The following MVB12B variants were observed in gnomAD, a reference collection of about 807,000 sequenced individuals.
The protein encoded by MVB12B is ESCRT-I complex subunit MVB12B.
MVB12B carries 16 observed loss-of-function variants against 41.6 expected under a neutral mutation model. The ratio of observed to expected loss-of-function variants is 0.38; its 90% CI spans 0.26 to 0.58. MVB12B has a LOEUF of 0.58. Ranked by LOEUF, MVB12B falls within the 20% of genes least tolerant of loss-of-function variation. The pLI is 0.62. For synonymous variants in MVB12B, 133 were observed against 139.7 expected, an observed-to-expected ratio of 0.95 and a Z score of 0.34; for missense variants, 274 against 380.2, an observed-to-expected ratio of 0.72 and a Z score of 2.32.
chr9:126,439,091 T>G (rs1299211479), intron 7 of MVB12B, among the ~76,000 whole-genome samples: 1 of 152,144 alleles, frequency 6.6e-6, no homozygotes. Context: ...GGACTTTTTT[T>G]TTTATTTTAA....
chr9:126,471,551 TCTG>T (rs1833315749), intron 7 of MVB12B, among the ~76,000 whole-genome samples: 1 of 152,214 alleles, frequency 6.6e-6, no homozygotes, highest in Non-Finnish European at 1.5e-5. Flanking sequence ...AGCAGACAGC[TCTG>T]GAGGCATCTA....
At position 126,505,266 on chromosome 9, in the gene MVB12B, A is replaced by G. The variant is rs886224113; in HGVS notation, c.*2003A>G. 3.9e-5 allele frequency: 6 copies of G among 152,198 alleles called. No homozygotes were observed. The highest frequency in any genetic ancestry group is 7.3e-5 in the Non-Finnish European group (5 of 68,032). 9.4% of individuals were successfully genotyped at this position (152,198 alleles called of 1,614,324 possible). On this transcript the variant is annotated 3_prime_UTR_variant, in exon 10 of 10. Coordinates refer to ENST00000361171, the MANE Select transcript of MVB12B (RefSeq NM_033446.3). ...GGAGGCTCAGAGGCAGTGGTGTGGGAGCCCTGTCTGCAAGGACGCAGAATA... is the reference window on the plus strand; with the variant it reads ...GGAGGCTCAGAGGCAGTGGTGTGGGGGCCCTGTCTGCAAGGACGCAGAATA...
Position 126,381,191 on chromosome 9 carries a change from C to A in MVB12B, c.312+20C>A, listed in dbSNP as rs1830626042. 1.3e-6 allele frequency: 2 copies of A among 1,542,544 alleles called. No homozygotes were observed. Among genetic ancestry groups the A allele is most frequent in the Admixed American group, 1.7e-5 (1 of 59,888 alleles). On this transcript the variant is annotated intron_variant, in intron 3 of 9. Transcript: ENST00000361171. ...GAAAATGTAAGTCTAGTCGTAGTTT[C>A]CATTTGCTGAGTGAGCACAAGTAAT...
At chr9:126,502,431 C>G (rs141588715) in intron 9 of MVB12B, among the ~76,000 whole-genome samples, 21 of 152,160 alleles carry the variant, frequency 1.4e-4, no homozygotes, top group African/African-American at 4.8e-4. Context: ...AGACTTGGAA[C>G]GCGATTTAGT....
Position 126,395,850 on chromosome 9 carries a change from T to C in MVB12B, c.662+153T>C. 1 of 1,440,922 alleles carries C rather than the reference T, an allele frequency of 6.9e-7. No homozygotes were observed. Among genetic ancestry groups the C allele is most frequent in the Non-Finnish European group, 9.1e-7 (1 of 1,098,790 alleles). The allele number at this position is 1,440,922 out of a possible 1,614,324, so 89.3% of individuals were successfully genotyped here. ...TATCTTTAGAGGAGATTTTTAAAAA[T>C]CCACTTGGAAATCTTTGCATTACAT... On this transcript the variant is annotated intron_variant, in intron 6 of 9. Coordinates refer to ENST00000361171, the MANE Select transcript of MVB12B (RefSeq NM_033446.3). This position sits in a 1 kb window ranked among gnomAD's most constrained non-coding sequence, Gnocchi z 4.9.
chr9:126,408,411 C>G (rs1162606668), intron 6 of MVB12B: 3 of 152,126 alleles, frequency 2.0e-5, no homozygotes, highest in Non-Finnish European at 2.9e-5. Context: ...ATTCGCTCCC[C>G]CCACGCAGGC....
Position 126,356,663 on chromosome 9 carries a change from C to T in MVB12B, c.204+16033C>T, listed in dbSNP as rs79735350. Among the ~76,000 whole-genome samples the T allele has an allele frequency of 3.9e-5, 6 of 152,100 alleles. No individual in the cohort carries two copies. The East Asian group carries it at 7.8e-4, about 20-fold the overall frequency. On this transcript the variant is annotated intron_variant, in intron 2 of 9. Transcript: ENST00000361171. ...TATCTCATGTTGAAATGTAATCCCCCGTGGTAGAAGTAGGGCCTGGTGGGA... is the reference window on the plus strand; with the variant it reads ...TATCTCATGTTGAAATGTAATCCCCTGTGGTAGAAGTAGGGCCTGGTGGGA...
intron 6 of MVB12B, among the ~76,000 whole-genome samples, chr9:126,402,969 C>T (rs978386651): frequency 3.3e-5 from 5 of 152,240 alleles, no homozygotes; most frequent in Non-Finnish European, 5.9e-5. Context: ...GACCAGCAGC[C>T]AGCCCTGTCT....
At chr9:126,409,119 G>A (rs374326059) in intron 6 of MVB12B, among the ~76,000 whole-genome samples, 4 of 152,120 alleles carry the variant, frequency 2.6e-5, no homozygotes, top group African/African-American at 9.7e-5. Context: ...CCATTGTGGG[G>A]GGGGGCTCAG....
At chr9:126,502,380 G>A (rs546626653) in intron 9 of MVB12B, among the ~76,000 whole-genome samples, 1 of 152,188 alleles carries the variant, frequency 6.6e-6, no homozygotes, top group African/African-American at 2.4e-5. Flanking sequence ...GGTGCTCCTA[G>A]CCCCCTCAGA....
At chr9:126,453,756 G>A (rs1307792248) in intron 7 of MVB12B, among the ~76,000 whole-genome samples, 2 of 152,332 alleles carry the variant, frequency 1.3e-5, no homozygotes, top group East Asian at 3.9e-4. Flanking sequence ...GCATGGTCTT[G>A]CATGTGACAC....
chr9:126,490,398 G>C (rs887651), intron 9 of MVB12B, among the ~76,000 whole-genome samples: 1 of 152,052 alleles, frequency 6.6e-6, no homozygotes, highest in African/African-American at 2.4e-5. Flanking sequence ...TGTGAGAACA[G>C]GAGTGAACCA....
At chr9:126,329,433 C>T (rs184466084) in intron 1 of MVB12B, among the ~76,000 whole-genome samples, 5 of 152,188 alleles carry the variant, frequency 3.3e-5, no homozygotes, top group Admixed American at 2.6e-4. Context: ...CAGTTTGTTG[C>T]GGGGAGAGCA....
chr9:126,445,305 TTTTTG>T (rs776421458), intron 7 of MVB12B, among the ~76,000 whole-genome samples: 18 of 152,302 alleles, frequency 1.2e-4, no homozygotes, highest in Non-Finnish European at 2.1e-4. Flanking sequence ...TTGGTTTTGG[TTTTTG>T]TTTTGTTTCT....
At chr9:126,496,944 A>C (rs1490088490) in intron 9 of MVB12B, among the ~76,000 whole-genome samples, 1 of 152,168 alleles carries the variant, frequency 6.6e-6, no homozygotes, top group Non-Finnish European at 1.5e-5. Context: ...CAGCGTTGTC[A>C]TCACCCAGTG....
chr9:126,472,984 G>C (rs986025433), intron 7 of MVB12B, among the ~76,000 whole-genome samples: 5 of 152,096 alleles, frequency 3.3e-5, no homozygotes, highest in African/African-American at 4.8e-5. Context: ...TTAAAAACAA[G>C]AAGAAGAAGA....
intron 7 of MVB12B, among the ~76,000 whole-genome samples, chr9:126,423,218 A>G (rs1398084757): frequency 2.6e-5 from 4 of 152,252 alleles, no homozygotes; most frequent in Non-Finnish European, 5.9e-5. Context: ...AGCTTCATCA[A>G]AACGGATGAC....
intron 9 of MVB12B, among the ~76,000 whole-genome samples, chr9:126,499,851 C>T (rs944559296): frequency 6.6e-6 from 1 of 152,172 alleles, no homozygotes; most frequent in Non-Finnish European, 1.5e-5. Context: ...GGGGCGCCTT[C>T]TCCGCCCTCC....
In MVB12B at chr9:126,506,986, G is replaced by A. The variant is rs1226730292; in HGVS notation, c.*3723G>A. 6.5e-6 allele frequency: 1 copy of A among 152,688 alleles called. No homozygotes were observed. The highest frequency in any genetic ancestry group is 1.9e-4 in the East Asian group (1 of 5,198). 9.5% of individuals were successfully genotyped at this position (152,688 alleles called of 1,614,324 possible). Reference sequence around the variant, plus strand: ...ACTTGGCAAGGGAAGTCCACTGTGTGATTGTCTGTATTCTTAATATAATTT... The same window carrying A: ...ACTTGGCAAGGGAAGTCCACTGTGTAATTGTCTGTATTCTTAATATAATTT... On this transcript the variant is annotated 3_prime_UTR_variant, in exon 10 of 10. Transcript: ENST00000361171.
Sources: allele counts gnomAD v4.1 joint callset (sites outside exome capture counted in the v4.1 genomes callset), GRCh38; gene constraint gnomAD v4.1.1; non-coding constraint Gnocchi (gnomAD v3.1); transcripts MANE v1.5; gene names NCBI Gene and HGNC (gene_info 2026-07-23, HGNC 2026-07-21).